TOX: variants seen among roughly 807,000 people sequenced by gnomAD.
TOX encodes thymocyte selection associated high mobility group box, also known as thymocyte selection-associated high mobility group box protein TOX.
A neutral mutation model predicts 53.7 loss-of-function variants in TOX; 11 were observed. The observed-to-expected ratio is 0.20, with a 90% confidence interval of 0.13 to 0.34. The LOEUF (loss-of-function observed/expected upper bound fraction) is 0.34, where lower values mean the gene tolerates loss of function less well. Among genes scored for constraint, TOX ranks in the 10% least tolerant of loss-of-function variants. TOX has a pLI of 1.00. For missense variants in TOX, 570 were observed against 664.6 expected (o/e 0.86, Z 1.56); for synonymous variants, 225 against 245.3 (o/e 0.92, Z 0.77).
At chr8:59,115,461 T>C (rs750390261) in intron 1 of TOX, among the ~76,000 whole-genome samples, 53 of 152,236 alleles carry the variant, frequency 3.5e-4, no homozygotes, top group Non-Finnish European at 6.5e-4. Flanking sequence ...CATCTTTAAC[T>C]AGAATAGAAA....
At chr8:58,816,575 CTG>C (rs1209777275) in intron 6 of TOX, among the ~76,000 whole-genome samples, 4 of 151,966 alleles carry the variant, frequency 2.6e-5, no homozygotes, top group Admixed American at 6.6e-5. Flanking sequence ...GAGGAAGAGA[CTG>C]ATAAAACAAC....
intron 7 of TOX, 60 bp downstream of exon 7, chr8:58,815,278 C>T: frequency 1.3e-6 from 2 of 1,517,002 alleles, no homozygotes; most frequent in Non-Finnish European, 8.8e-7. Flanking sequence ...CTCCCCCCAC[C>T]TCCACCACCA....
Position 58,974,561 on chromosome 8 carries a change from T to G in TOX, c.103-14553A>C, listed in dbSNP as rs980539477. Among the ~76,000 whole-genome samples, 2 of 152,162 alleles carry G rather than the reference T, an allele frequency of 1.3e-5. 1 individual carries two copies. Among genetic ancestry groups the G allele is most frequent in the Admixed American group, 1.3e-4 (2 of 15,282 alleles). ...CTATTCCAGGTGTTTAGGTGTGGTG[T>G]TCAAAAGAAGAATCAAAGAGCCTTG... On this transcript the variant is annotated intron_variant, in intron 1 of 8. Coordinates refer to ENST00000361421, the MANE Select transcript of TOX (RefSeq NM_014729.3).
intron 3 of TOX, among the ~76,000 whole-genome samples, chr8:58,865,427 T>C (rs1331575276): frequency 2.6e-5 from 4 of 152,202 alleles, no homozygotes; most frequent in Non-Finnish European, 4.4e-5. Context: ...TCGTACTTTT[T>C]TTTTTTTAGT....
chr8:58,832,178 ATATATAATATATGTAATATG>A (rs1486919994), intron 5 of TOX, among the ~76,000 whole-genome samples: 2 of 146,098 alleles, frequency 1.4e-5, no homozygotes, highest in Non-Finnish European at 3.0e-5. Context: ...TATGTAATAT[ATATATAATATATGTAATATG>A]TATATAATAT....
At chr8:59,024,334 C>T (rs139778867) in intron 1 of TOX, among the ~76,000 whole-genome samples, 363 of 152,234 alleles carry the variant, frequency 2.4e-3, no homozygotes, top group Non-Finnish European at 3.6e-3. Context: ...GTGTAATCAA[C>T]GCTTTACTAA....
chr8:59,094,033 T>C (rs553095857), intron 1 of TOX, among the ~76,000 whole-genome samples: 4 of 152,274 alleles, frequency 2.6e-5, no homozygotes, highest in African/African-American at 9.6e-5. Context: ...TACTGAAAAT[T>C]ATAATAAACA....
At chr8:58,819,750 A>G (rs140467429) in intron 6 of TOX, among the ~76,000 whole-genome samples, 2 of 152,342 alleles carry the variant, frequency 1.3e-5, no homozygotes, top group East Asian at 3.9e-4. Context: ...TGACAAAGCT[A>G]TTGTTATTTA....
At chr8:59,099,970 A>C (rs1465134285) in intron 1 of TOX, among the ~76,000 whole-genome samples, 1 of 152,178 alleles carries the variant, frequency 6.6e-6, no homozygotes, top group Non-Finnish European at 1.5e-5. Flanking sequence ...ATGTAAATGT[A>C]CTCAATATTT....
chr8:58,998,810 T>A (rs912054571), intron 1 of TOX, among the ~76,000 whole-genome samples: 2 of 151,822 alleles, frequency 1.3e-5, no homozygotes, highest in Admixed American at 1.3e-4. Context: ...ATTTTGAGTA[T>A]GAAAGTCCAA....
chr8:59,077,806 A>G (rs1804318103), intron 1 of TOX, among the ~76,000 whole-genome samples: 1 of 152,144 alleles, frequency 6.6e-6, no homozygotes, highest in Non-Finnish European at 1.5e-5. Flanking sequence ...AAAAAGGAAA[A>G]TTTATTTATT....
At chr8:58,966,622 C>T (rs1812905774) in intron 1 of TOX, among the ~76,000 whole-genome samples, 1 of 151,986 alleles carries the variant, frequency 6.6e-6, no homozygotes, top group Non-Finnish European at 1.5e-5. Flanking sequence ...TCATTTTTGT[C>T]CCAGTGATAT....
chr8:59,098,411 C>T (rs1186786468), intron 1 of TOX, among the ~76,000 whole-genome samples: 1 of 151,004 alleles, frequency 6.6e-6, no homozygotes, highest in Non-Finnish European at 1.5e-5. Context: ...TTTTGGTTTT[C>T]AAGAATAAAC....
intron 4 of TOX, among the ~76,000 whole-genome samples, chr8:58,838,891 G>A (rs144544166): frequency 0.032 from 4,789 of 151,674 alleles, 259 homozygotes; most frequent in African/African-American, 0.11. Context: ...TAGTAGAGAT[G>A]GGTTTTCACC....
intron 1 of TOX, among the ~76,000 whole-genome samples, chr8:58,988,569 G>T (rs902168299): frequency 1.3e-5 from 2 of 152,086 alleles, no homozygotes; most frequent in African/African-American, 4.8e-5. Context: ...TAATCAAGAT[G>T]GGCAATTCTC....
intron 1 of TOX, among the ~76,000 whole-genome samples, chr8:59,005,069 C>T (rs1370344854): frequency 6.6e-6 from 1 of 150,998 alleles, no homozygotes. Flanking sequence ...GACAGACTCT[C>T]GCTCTGTCGC....
At chr8:58,871,971 T>C (rs1366600354) in intron 3 of TOX, among the ~76,000 whole-genome samples, 1 of 152,126 alleles carries the variant, frequency 6.6e-6, no homozygotes, top group African/African-American at 2.4e-5. Flanking sequence ...TCTTAGTTTC[T>C]GATACCATTC....
intron 3 of TOX, among the ~76,000 whole-genome samples, chr8:58,929,524 G>C (rs1812224691): frequency 6.6e-6 from 1 of 151,974 alleles, no homozygotes; most frequent in African/African-American, 2.4e-5. Context: ...ACCAAAACCT[G>C]CTCTTAAAGC....
chr8:58,810,889 A>G, intron 7 of TOX, among the ~76,000 whole-genome samples: 1 of 152,128 alleles, frequency 6.6e-6, no homozygotes, highest in East Asian at 1.9e-4. Context: ...TCCAATGAAA[A>G]TAGTTCTCAG....
Sources: allele counts gnomAD v4.1 joint callset (sites outside exome capture counted in the v4.1 genomes callset), GRCh38; gene constraint gnomAD v4.1.1; transcripts MANE v1.5; gene names NCBI Gene and HGNC (gene_info 2026-07-23, HGNC 2026-07-21).